GK: variants seen among roughly 807,000 people sequenced by gnomAD.
GK encodes ATP:glycerol 3-phosphotransferase.
In GK, 9 loss-of-function variants were observed where a neutral mutation model predicts 56.4. The observed-to-expected ratio is 0.16, with a 90% CI of 0.10 to 0.28. The LOEUF is 0.28. Among genes scored for constraint, GK ranks in the 10% least tolerant of loss-of-function variants. The pLI is 1.00. For synonymous variants in GK, 104 were observed against 144.1 expected (o/e 0.72, Z 1.99); for missense variants, 161 against 431.4 (o/e 0.37, Z 5.55).
chrX:30,713,218 C>A (rs1936445392), intron 13 of GK, among the ~76,000 whole-genome samples: 1 of 111,309 alleles, frequency 9.0e-6, no homozygotes, highest in African/African-American at 3.3e-5. Context: ...GATTCTATTC[C>A]CTGTCTTGCG....
chrX:30,683,966 A>G (rs1363361629), intron 4 of GK, among the ~76,000 whole-genome samples: 1 of 111,784 alleles, frequency 8.9e-6, no homozygotes, highest in Non-Finnish European at 1.9e-5. Flanking sequence ...ATTATCTTCA[A>G]TATTCCCTTC....
At chrX:30,688,528 A>C (rs1195111235) in intron 4 of GK, among the ~76,000 whole-genome samples, 1 of 103,313 alleles carries the variant, frequency 9.7e-6, no homozygotes, top group African/African-American at 3.5e-5. Context: ...AAAAAGGGAG[A>C]GAGAGAGAAA....
intron 2 of GK, among the ~76,000 whole-genome samples, chrX:30,667,630 C>T (rs1428017099): frequency 1.8e-5 from 2 of 111,985 alleles, no homozygotes; most frequent in African/African-American, 6.5e-5. Context: ...ATATTTCCAT[C>T]TACTTAGAAA....
intron 1 of GK, among the ~76,000 whole-genome samples, chrX:30,662,602 C>T (rs1235380535): frequency 3.6e-5 from 4 of 112,069 alleles, no homozygotes; most frequent in East Asian, 2.8e-4. Context: ...AGAGGGGTCT[C>T]ATTCCATTCA....
At position 30,673,268 on chromosome X, in the gene GK, GA is replaced by G. The variant is rs779480885; in HGVS notation, c.260-4104del. On this transcript the variant is annotated intron_variant, in intron 3 of 20. Coordinates refer to ENST00000427190, the MANE Select transcript of GK (RefSeq NM_001205019.2). ...GATAATGGTTATGATGTCCGTAAAT[GA>G]AAGACTTTGAGGCCAGGAAATACAT... 2.9e-4 allele frequency among the ~76,000 whole-genome samples: 32 copies of G among 112,167 alleles called. No individual in the cohort carries two copies. The South Asian group carries it at 0.012, about 41-fold the overall frequency.
chrX:30,696,454 T>C (rs944294607), intron 7 of GK, among the ~76,000 whole-genome samples, 163 bp from the exon 8 acceptor site: 1 of 112,592 alleles, frequency 8.9e-6, no homozygotes, highest in Non-Finnish European at 1.9e-5. Context: ...TATCTAAGAA[T>C]ACAGCTATGT....
Position 30,691,134 on chromosome X carries a change from C to T in GK, c.349C>T (p.Leu117=). The change falls in exon 5 of 21, where the codon CTA becomes TTA. Residue 117 remains leucine, a synonymous_variant. Coordinates refer to ENST00000427190, the MANE Select transcript of GK (RefSeq NM_001205019.2). Reference sequence around the variant, plus strand: ...ATTTTGGTCTATAGTGTGGCTTGATCTAAGAACCCAGTCTACCGTTGAGAG... The same window carrying T: ...ATTTTGGTCTATAGTGTGGCTTGATTTAAGAACCCAGTCTACCGTTGAGAG... ...PLYNAVVWLD[L]RTQSTVESLS... is the part of the protein sequence containing the mutation. The T allele has an allele frequency of 8.8e-7, 1 of 1,138,384 alleles. No individual in the cohort carries two copies. The highest frequency in any genetic ancestry group is 1.2e-6 in the Non-Finnish European group (1 of 830,383). The allele number at this position is 1,138,384 out of a possible 1,213,427, so 93.8% of individuals were successfully genotyped here.
intron 14 of GK, 33 bp from the exon 15 acceptor site, chrX:30,719,386 G>A: frequency 1.2e-6 from 1 of 860,686 alleles, no homozygotes; most frequent in Non-Finnish European, 1.7e-6. Flanking sequence ...CAATATTTGT[G>A]TGATTTTTGT....
intron 4 of GK, chrX:30,687,716 T>A: frequency 3.2e-6 from 1 of 316,719 alleles, no homozygotes; most frequent in Non-Finnish European, 6.4e-6. Context: ...TCATTCCTTT[T>A]GATTGTTCTC....
chrX:30,693,418 G>A (rs905853849), intron 5 of GK, among the ~76,000 whole-genome samples: 4 of 112,180 alleles, frequency 3.6e-5, no homozygotes, highest in African/African-American at 9.7e-5. Context: ...AGGAAGATTG[G>A]TAAGCACATA....
intron 4 of GK, 112 bp downstream of exon 4, chrX:30,677,564 C>T: frequency 9.0e-6 from 5 of 552,882 alleles, no homozygotes; most frequent in Non-Finnish European, 9.8e-6. Context: ...TGGTGGCTCA[C>T]GCCTGTAATC....
At chrX:30,719,304 A>G (rs1276799302) in intron 14 of GK, 115 bp from the exon 15 acceptor site, 10 of 503,656 alleles carry the variant, frequency 2.0e-5, no homozygotes, top group South Asian at 2.9e-5. Flanking sequence ...TGCTCTACCA[A>G]TGAATTGGAA....
intron 1 of GK, among the ~76,000 whole-genome samples, chrX:30,664,380 A>G (rs1049392032): frequency 2.8e-5 from 3 of 106,442 alleles, no homozygotes; most frequent in Non-Finnish European, 5.8e-5. Flanking sequence ...TTGTATTTTT[A>G]GTAGAGACGG....
rs1311022991 is a variant in GK at position 30,657,480 on chromosome X, A to G, written c.78+3865A>G. On this transcript the variant is annotated intron_variant, in intron 1 of 20. Coordinates refer to ENST00000427190, the MANE Select transcript of GK (RefSeq NM_001205019.2). ...TAAGACAAAAGTTTCAGCTTAAACAATCAACTTCCTTCTTTAATTTGGTAA... is the reference window on the plus strand; with the variant it reads ...TAAGACAAAAGTTTCAGCTTAAACAGTCAACTTCCTTCTTTAATTTGGTAA... 3.6e-5 allele frequency among the ~76,000 whole-genome samples: 4 copies of G among 112,634 alleles called. No homozygotes were observed. In the South Asian group the frequency reaches 1.4e-3, roughly 41 times the overall value.
intron 1 of GK, among the ~76,000 whole-genome samples, chrX:30,664,702 C>CTTTTTTTT (rs35313243): frequency 1.7e-5 from 1 of 57,675 alleles, no homozygotes; most frequent in Non-Finnish European, 3.1e-5. Context: ...ACTCTATTGC[C>CTTTTTTTT]TTTTTTTTTT....
Position 30,707,997 on chromosome X carries a change from T to A in GK, c.895-57T>A, listed in dbSNP as rs183400097. On this transcript the variant is annotated intron_variant, in intron 12 of 20. Coordinates refer to ENST00000427190, the MANE Select transcript of GK (RefSeq NM_001205019.2). ...TGTTATTTTAACTTTAAAAAAAAGT[T>A]CTCATGTTATCTTTTCATTTTCCAC... 6,653 of 712,372 alleles carry A rather than the reference T, an allele frequency of 9.3e-3. 40 individuals carry two copies. Among genetic ancestry groups the A allele is most frequent in the Non-Finnish European group, 0.011 (5,150 of 455,300 alleles). 58.7% of individuals were successfully genotyped at this position (712,372 alleles called of 1,213,427 possible).
intron 9 of GK, among the ~76,000 whole-genome samples, chrX:30,699,368 CT>C (rs34129824): frequency 0.054 from 4,282 of 79,779 alleles, 138 homozygotes; most frequent in Middle Eastern, 0.077. Flanking sequence ...TACACACACA[CT>C]TTTTTTTTTT....
At chrX:30,719,949 A>G (rs1936821744) in intron 15 of GK, 62 bp from the exon 16 acceptor site, 1 of 761,281 alleles carries the variant, frequency 1.3e-6, no homozygotes, top group East Asian at 3.2e-5. Context: ...TTCATATTTG[A>G]GATATTTCAA....
chrX:30,688,971 T>A (rs1249390584), intron 4 of GK, among the ~76,000 whole-genome samples: 2 of 112,610 alleles, frequency 1.8e-5, no homozygotes, highest in African/African-American at 3.2e-5. Flanking sequence ...TTTTACATAA[T>A]GATCCAGCAA....
Sources: gnomAD v4.1 joint callset for allele counts (sites outside exome capture counted in the v4.1 genomes callset) on GRCh38, gnomAD v4.1.1 for gene constraint, MANE v1.5 for transcripts, NCBI Gene and HGNC (gene_info 2026-07-23, HGNC 2026-07-21) for gene names.